Variants in RCAN2 observed in about 807,000 individuals in gnomAD.
RCAN2 encodes regulator of calcineurin 2.
RCAN2 carries 9 observed loss-of-function variants against 23.6 expected under a neutral mutation model. That is an observed-to-expected ratio of 0.38 (90% CI 0.23 to 0.67). RCAN2 has a LOEUF of 0.67. Ranked by LOEUF, RCAN2 falls within the 30% of genes least tolerant of loss-of-function variation. RCAN2 has a pLI of 0.51. For synonymous variants in RCAN2, 109 were observed against 115.7 expected, an observed-to-expected ratio of 0.94 and a Z score of 0.37; for missense variants, 273 against 302.3, an observed-to-expected ratio of 0.90 and a Z score of 0.72.
At chr6:46,265,073 G>A (rs143766200) in intron 2 of RCAN2, among the ~76,000 whole-genome samples, 234 of 152,244 alleles carry the variant, frequency 1.5e-3, no homozygotes, top group African/African-American at 5.3e-3. Flanking sequence ...GGATGGACAC[G>A]TCTTTTGTCT....
intron 2 of RCAN2, among the ~76,000 whole-genome samples, chr6:46,354,205 C>CTGTGTGTGTGTG (rs56237510): frequency 1.9e-4 from 25 of 133,070 alleles, no homozygotes; most frequent in South Asian, 1.3e-3. Flanking sequence ...TGTTATTTTA[C>CTGTGTGTGTGTG]TGTGTGTGTG....
intron 2 of RCAN2, among the ~76,000 whole-genome samples, chr6:46,372,635 T>A (rs1394478876): frequency 2.0e-5 from 3 of 152,220 alleles, no homozygotes; most frequent in Non-Finnish European, 4.4e-5. Context: ...TGCTCAGAAT[T>A]ATTTGAGATA....
intron 2 of RCAN2, among the ~76,000 whole-genome samples, chr6:46,261,412 A>G (rs1292935160): frequency 2.0e-5 from 3 of 152,154 alleles, no homozygotes; most frequent in Admixed American, 6.5e-5. Context: ...GACAGTATCT[A>G]CCTCATAGGG....
chr6:46,388,108 T>C (rs1312375448), intron 2 of RCAN2, among the ~76,000 whole-genome samples: 1 of 122,046 alleles, frequency 8.2e-6, no homozygotes, highest in Non-Finnish European at 1.7e-5. Context: ...TGTTGTGGGG[T>C]GGGGGTAGGG....
chr6:46,304,814 C>T (rs1242830854), intron 2 of RCAN2, among the ~76,000 whole-genome samples: 2 of 152,102 alleles, frequency 1.3e-5, no homozygotes, highest in Non-Finnish European at 2.9e-5. Context: ...TGATATATAT[C>T]AAGCCCATGC....
At chr6:46,328,627 T>C (rs1734987748) in intron 2 of RCAN2, among the ~76,000 whole-genome samples, 1 of 152,208 alleles carries the variant, frequency 6.6e-6, no homozygotes, top group Non-Finnish European at 1.5e-5. Flanking sequence ...TGTTTGTTTG[T>C]TTGAGATACA....
At chr6:46,305,842 C>G (rs1763047628) in intron 2 of RCAN2, among the ~76,000 whole-genome samples, 1 of 151,892 alleles carries the variant, frequency 6.6e-6, no homozygotes, top group Non-Finnish European at 1.5e-5. Context: ...ATATACTAAA[C>G]AGTTGACTGT....
intron 2 of RCAN2, among the ~76,000 whole-genome samples, chr6:46,296,091 GTGTGTGTGTGTGTC>G (rs1277417212): frequency 1.3e-5 from 2 of 150,566 alleles, no homozygotes; most frequent in Admixed American, 1.3e-4. Context: ...GTGTGTGTGT[GTGTGTGTGTGTGTC>G]TGTGTGTGTG....
At chr6:46,325,216 GCTGGTCC>G (rs1763752928) in intron 2 of RCAN2, among the ~76,000 whole-genome samples, 1 of 152,246 alleles carries the variant, frequency 6.6e-6, no homozygotes. Context: ...AAAATAATAT[GCTGGTCC>G]CTCTTCCAAC....
intron 4 of RCAN2, 63 bp from the exon 5 acceptor site, chr6:46,223,364 G>T (rs1163712163): frequency 1.2e-5 from 18 of 1,510,718 alleles, no homozygotes; most frequent in Non-Finnish European, 1.6e-5. Context: ...TCCTGGAGCA[G>T]GGTCTGCTTA....
At chr6:46,467,682 T>C (rs1297619612) in intron 1 of RCAN2, among the ~76,000 whole-genome samples, 1 of 152,248 alleles carries the variant, frequency 6.6e-6, no homozygotes, top group Non-Finnish European at 1.5e-5. Flanking sequence ...CTGGGCACCA[T>C]ATGCAATGTG....
intron 2 of RCAN2, among the ~76,000 whole-genome samples, chr6:46,353,351 G>T (rs562642521): frequency 3.9e-5 from 6 of 152,212 alleles, no homozygotes; most frequent in East Asian, 1.9e-4. Context: ...CTTTTTGGGT[G>T]TGGGGGAGGA....
chr6:46,273,084 T>C (rs957056784), intron 2 of RCAN2, among the ~76,000 whole-genome samples: 1 of 152,330 alleles, frequency 6.6e-6, no homozygotes, highest in Admixed American at 6.5e-5. Flanking sequence ...TGTTTTTGTT[T>C]TAAGGAATGG....
chr6:46,487,859 G>C (rs1448892620), intron 1 of RCAN2, among the ~76,000 whole-genome samples: 1 of 152,172 alleles, frequency 6.6e-6, no homozygotes, highest in Non-Finnish European at 1.5e-5. Flanking sequence ...GACCAGACAG[G>C]TACGACCTTA....
intron 1 of RCAN2, among the ~76,000 whole-genome samples, chr6:46,458,722 T>A (rs1427990093): frequency 6.6e-6 from 1 of 152,200 alleles, no homozygotes; most frequent in Admixed American, 6.5e-5. Flanking sequence ...ATGAAACATG[T>A]GCATGTATTT....
In RCAN2 at chr6:46,309,524, ACT is replaced by A. The variant is rs771797937; in HGVS notation, c.226-60630_226-60629del. Among the ~76,000 whole-genome samples, 3 of 152,006 alleles carry A rather than the reference ACT, an allele frequency of 2.0e-5. No individual in the cohort carries two copies. In the East Asian group the frequency reaches 5.8e-4, roughly 29 times the overall value. On this transcript the variant is annotated intron_variant, in intron 2 of 4. Transcript: ENST00000371374. ...ATCTTCCTAAATCATGGCTCTTGAA[ACT>A]CTGATGATTCTCCTGTGGTTCATAC...
chr6:46,427,347 C>T (rs1002525394), intron 2 of RCAN2, among the ~76,000 whole-genome samples: 1 of 152,146 alleles, frequency 6.6e-6, no homozygotes, highest in African/African-American at 2.4e-5. Flanking sequence ...GGCCCACATC[C>T]CTAGTTGACC....
intron 2 of RCAN2, among the ~76,000 whole-genome samples, chr6:46,324,753 A>C (rs56873621): frequency 0.028 from 4,237 of 152,376 alleles, 182 homozygotes; most frequent in African/African-American, 0.095. Context: ...AGTGAGGACC[A>C]GCATGTATAA....
At chr6:46,392,810 C>T (rs1464856055) in intron 2 of RCAN2, among the ~76,000 whole-genome samples, 1 of 152,072 alleles carries the variant, frequency 6.6e-6, no homozygotes. Flanking sequence ...TCTTTTAGGA[C>T]AGTTGTAGAA....
Sources: gnomAD v4.1 joint callset for allele counts (sites outside exome capture counted in the v4.1 genomes callset) on GRCh38, gnomAD v4.1.1 for gene constraint, MANE v1.5 for transcripts, NCBI Gene and HGNC (gene_info 2026-07-23, HGNC 2026-07-21) for gene names.